Variants in NFIA observed in about 807,000 individuals in gnomAD.
NFIA encodes the protein nuclear factor I A.
NFIA carries 8 observed loss-of-function variants against 62.8 expected under a neutral mutation model. The observed-to-expected ratio is 0.13, with a 90% CI of 0.07 to 0.23. The LOEUF (loss-of-function observed/expected upper bound fraction) is 0.23. NFIA is among the 10% of genes least tolerant of loss of function. NFIA has a pLI of 1.00. For synonymous variants in NFIA, 235 were observed against 238.1 expected (o/e 0.99, Z 0.12); for missense variants, 410 against 642.1 (o/e 0.64, Z 3.91).
chr1:61,419,236 A>AGT (rs746428640), intron 9 of NFIA, among the ~76,000 whole-genome samples: 1 of 152,164 alleles, frequency 6.6e-6, no homozygotes, highest in Non-Finnish European at 1.5e-5. Context: ...TGAAACCAGG[A>AGT]GTTCCAAACC....
At chr1:61,288,610 A>T (rs974040727) in intron 3 of NFIA, among the ~76,000 whole-genome samples, 1 of 152,194 alleles carries the variant, frequency 6.6e-6, no homozygotes, top group Non-Finnish European at 1.5e-5. Context: ...CCAGTATGTT[A>T]GTTTGGGTCC....
chr1:61,414,185 G>T (rs1357925824), intron 9 of NFIA, among the ~76,000 whole-genome samples: 1 of 151,778 alleles, frequency 6.6e-6, no homozygotes, highest in Non-Finnish European at 1.5e-5. Flanking sequence ...GTTTCGTCAT[G>T]TTGGCCAGGC....
chr1:61,374,347 G>A (rs952604605), intron 6 of NFIA, among the ~76,000 whole-genome samples: 7 of 152,020 alleles, frequency 4.6e-5, no homozygotes, highest in African/African-American at 1.7e-4. Flanking sequence ...GATGGCTAGG[G>A]GGCAGATGGA....
At chr1:61,342,193 AT>A (rs113110354) in intron 4 of NFIA, among the ~76,000 whole-genome samples, 162 of 146,452 alleles carry the variant, frequency 1.1e-3, no homozygotes, top group African/African-American at 1.4e-3. Flanking sequence ...ATTGAAAACT[AT>A]TTTTTTTTTT....
chr1:61,376,944 C>T (rs1020142310), intron 6 of NFIA, among the ~76,000 whole-genome samples: 13 of 152,136 alleles, frequency 8.5e-5, no homozygotes, highest in South Asian at 2.1e-4. Context: ...GGGATGGACA[C>T]GGTGGCTTAT....
chr1:61,228,635 C>G (rs932504527), intron 2 of NFIA, among the ~76,000 whole-genome samples: 5 of 152,050 alleles, frequency 3.3e-5, no homozygotes, highest in African/African-American at 9.7e-5. Context: ...TCAATTCATT[C>G]ATTCATTTTG....
intron 7 of NFIA, among the ~76,000 whole-genome samples, chr1:61,387,498 G>A (rs1664764653): frequency 9.6e-6 from 1 of 104,026 alleles, no homozygotes; most frequent in Non-Finnish European, 2.0e-5. Flanking sequence ...TTTTGAGACG[G>A]AGTCTCGTCA....
At chr1:61,321,785 G>T (rs1347798073) in intron 3 of NFIA, among the ~76,000 whole-genome samples, 1 of 151,958 alleles carries the variant, frequency 6.6e-6, no homozygotes, top group East Asian at 1.9e-4. Flanking sequence ...ATACAAATAG[G>T]TAAAAATCTT....
At chr1:61,275,748 G>A (rs985726692) in intron 2 of NFIA, among the ~76,000 whole-genome samples, 1 of 152,098 alleles carries the variant, frequency 6.6e-6, no homozygotes, top group Non-Finnish European at 1.5e-5. Context: ...ATGGAGGCAT[G>A]TCTTTCTCCT....
intron 2 of NFIA, among the ~76,000 whole-genome samples, chr1:61,265,201 A>G (rs951143493): frequency 2.6e-5 from 4 of 152,226 alleles, no homozygotes; most frequent in African/African-American, 7.2e-5. Flanking sequence ...GTATAAAGAT[A>G]CACAGAACTT....
intron 2 of NFIA, among the ~76,000 whole-genome samples, chr1:61,130,953 CA>C (rs927240950): frequency 5.9e-5 from 9 of 152,146 alleles, no homozygotes; most frequent in Admixed American, 5.9e-4. Context: ...CTTTTTTCCT[CA>C]AGGCACAAAA....
At chr1:61,441,849 T>C (rs925693833) in intron 10 of NFIA, among the ~76,000 whole-genome samples, 3 of 152,076 alleles carry the variant, frequency 2.0e-5, no homozygotes, top group Non-Finnish European at 4.4e-5. Flanking sequence ...TTTTTTCCTG[T>C]CTTGAAGTCT....
intron 2 of NFIA, among the ~76,000 whole-genome samples, chr1:61,139,878 CAAAAAAAAAAA>C (rs35520094): frequency 1.3e-5 from 1 of 74,150 alleles, no homozygotes; most frequent in Non-Finnish European, 2.8e-5. Flanking sequence ...GGGAATTTAC[CAAAAAAAAAAA>C]AAAAAAAAAA....
intron 2 of NFIA, among the ~76,000 whole-genome samples, chr1:61,166,794 C>CT (rs1159582782): frequency 2.0e-5 from 3 of 152,180 alleles, no homozygotes; most frequent in African/African-American, 7.2e-5. Flanking sequence ...TATTGAGGAC[C>CT]TACTTTGTGT....
At chr1:61,327,381 G>A (rs1661004142) in intron 3 of NFIA, among the ~76,000 whole-genome samples, 1 of 151,806 alleles carries the variant, frequency 6.6e-6, no homozygotes, top group Non-Finnish European at 1.5e-5. Context: ...TACCCAATAT[G>A]TAGGCATTTT....
chr1:61,280,463 G>A (rs2100283253), intron 3 of NFIA, among the ~76,000 whole-genome samples: 1 of 143,918 alleles, frequency 6.9e-6, no homozygotes. Flanking sequence ...ATATATATAT[G>A]TATGTTTGTA....
intron 2 of NFIA, among the ~76,000 whole-genome samples, chr1:61,185,678 C>T (rs997547213): frequency 1.3e-5 from 2 of 148,562 alleles, no homozygotes; most frequent in Admixed American, 6.7e-5. Context: ...CTTAGATGCT[C>T]CAGCCATACT....
intron 2 of NFIA, among the ~76,000 whole-genome samples, chr1:61,194,525 TA>T (rs1314717696): frequency 6.6e-6 from 1 of 152,214 alleles, no homozygotes; most frequent in Non-Finnish European, 1.5e-5. Context: ...CCCTATATTT[TA>T]AAAAATAACA....
chr1:61,134,489 G>A (rs1450217822), intron 2 of NFIA, among the ~76,000 whole-genome samples: 1 of 152,038 alleles, frequency 6.6e-6, no homozygotes, highest in African/African-American at 2.4e-5. Flanking sequence ...TACTCTGTGG[G>A]ACTCAGAAAT....
Sources: allele counts gnomAD v4.1 joint callset (sites outside exome capture counted in the v4.1 genomes callset), GRCh38; gene constraint gnomAD v4.1.1; transcripts MANE v1.5; gene names NCBI Gene and HGNC (gene_info 2026-07-23, HGNC 2026-07-21).